Variants in PPARA observed in about 807,000 individuals in gnomAD.
PPARA encodes the protein peroxisome proliferator activated receptor alpha.
A neutral mutation model predicts 42.2 loss-of-function variants in PPARA; 22 were observed. The ratio of observed to expected loss-of-function variants is 0.52; its 90% CI spans 0.37 to 0.74. The LOEUF (loss-of-function observed/expected upper bound fraction) is 0.74. PPARA is among the 30% of genes least tolerant of loss of function. The pLI is 0.00. For synonymous variants in PPARA, 242 were observed against 239.3 expected (o/e 1.01, Z -0.10); for missense variants, 465 against 608.2 (o/e 0.76, Z 2.48).
intron 4 of PPARA, among the ~76,000 whole-genome samples, chr22:46,213,338 C>A (rs1934116122): frequency 1.3e-5 from 2 of 152,200 alleles, no homozygotes; most frequent in South Asian, 4.1e-4. Context: ...TGCTTACTTG[C>A]CATCTGTATA....
chr22:46,168,351 CAAAAAA>C (rs35345592), intron 2 of PPARA, among the ~76,000 whole-genome samples: 5 of 14,384 alleles, frequency 3.5e-4, no homozygotes, highest in South Asian at 2.7e-3. Flanking sequence ...GACTCCATCT[CAAAAAA>C]AAAAAAAAAA....
intron 2 of PPARA, among the ~76,000 whole-genome samples, chr22:46,168,367 A>G (rs1373824440): frequency 6.7e-6 from 1 of 148,544 alleles, no homozygotes; most frequent in Non-Finnish European, 1.5e-5. Flanking sequence ...AAAAAAAAAA[A>G]AAAAAAAAAA....
intron 3 of PPARA, among the ~76,000 whole-genome samples, chr22:46,177,786 G>C (rs17241878): frequency 0.11 from 15,814 of 142,796 alleles, 1,147 homozygotes; most frequent in African/African-American, 0.21. Flanking sequence ...AGAACCTCAG[G>C]CGTGTAGCCA....
At chr22:46,208,661 T>C (rs1933629819) in intron 4 of PPARA, among the ~76,000 whole-genome samples, 2 of 152,134 alleles carry the variant, frequency 1.3e-5, no homozygotes, top group Non-Finnish European at 2.9e-5. Flanking sequence ...TCTTCCTGTC[T>C]AACTAAAACT....
Position 46,162,941 on chromosome 22 carries a change from C to T in PPARA, c.-127+10971C>T, listed in dbSNP as rs1926429473. ...CATGTATTTATTCAGCAAATATTTA[C>T]TGAGCACGTACTGCGTGCCAGGCAC... is the stretch of plus-strand genomic sequence containing the variant. On this transcript the variant is annotated intron_variant, in intron 2 of 8. Coordinates refer to ENST00000407236, the MANE Select transcript of PPARA (RefSeq NM_005036.6). The surrounding 1 kb of genome is among the most constrained non-coding windows in gnomAD (Gnocchi z 6.0). Among the ~76,000 whole-genome samples, 1 of 152,244 alleles carries T rather than the reference C, an allele frequency of 6.6e-6. No homozygotes were observed. The highest frequency in any genetic ancestry group is 2.1e-4 in the South Asian group (1 of 4,832).
At chr22:46,175,746 A>G (rs1928950349) in intron 2 of PPARA, among the ~76,000 whole-genome samples, 2 of 152,108 alleles carry the variant, frequency 1.3e-5, no homozygotes, top group East Asian at 3.9e-4. Context: ...CACATAATGA[A>G]TCATATGGCA....
rs1555935204 is a variant in PPARA at position 46,174,266 on chromosome 22, G to GAAGGAAAGGAAGGAAGGAAGGAAGA, written c.-126-2481_-126-2480insAGGAAGGAAGGAAGGAAGAAAGGAA. Among the ~76,000 whole-genome samples the GAAGGAAAGGAAGGAAGGAAGGAAGA allele has an allele frequency of 1.2e-3, 79 of 64,756 alleles. 6 individuals are homozygous for GAAGGAAAGGAAGGAAGGAAGGAAGA. The highest frequency in any genetic ancestry group is 5.7e-3 in the East Asian group (8 of 1,392). The allele number at this position is 64,756 out of a possible 152,430, so 42.5% of individuals were successfully genotyped here. On this transcript the variant is annotated intron_variant, in intron 2 of 8. Coordinates refer to ENST00000407236, the MANE Select transcript of PPARA (RefSeq NM_005036.6). ...AGAAAGAAAGAAGGAAGGAAGGAAG[G>GAAGGAAAGGAAGGAAGGAAGGAAGA]AAGGAAGGAAATTATGATAAAGCAG...
intron 7 of PPARA, among the ~76,000 whole-genome samples, chr22:46,223,163 C>A (rs768500454): frequency 6.6e-6 from 1 of 151,854 alleles, no homozygotes; most frequent in Non-Finnish European, 1.5e-5. Flanking sequence ...AAAAAAAATT[C>A]GAAGCAGAGT....
rs963270101 is a variant in PPARA at position 46,193,314 on chromosome 22, G to T, written c.-42-5028G>T. ...ACTCCTGACCTCAAGTGATCCACTCGCCTTGGCCTCCCAAATGCTCAGATT... is the reference window on the plus strand; with the variant it reads ...ACTCCTGACCTCAAGTGATCCACTCTCCTTGGCCTCCCAAATGCTCAGATT... On this transcript the variant is annotated intron_variant, in intron 3 of 8. Coordinates refer to ENST00000407236, the MANE Select transcript of PPARA (RefSeq NM_005036.6). This position sits in a 1 kb window ranked among gnomAD's most constrained non-coding sequence, Gnocchi z 5.3. Among the ~76,000 whole-genome samples the T allele has an allele frequency of 6.6e-6, 1 of 152,162 alleles. No homozygotes were observed. The highest frequency in any genetic ancestry group is 1.5e-5 in the Non-Finnish European group (1 of 68,032).
At position 46,162,840 on chromosome 22, in the gene PPARA, G is replaced by C. The variant is rs1296270562; in HGVS notation, c.-127+10870G>C. Reference sequence around the variant, plus strand: ...CCTTCAGATAACCTATGGCATTTGAGTCACTCTGATTTGATGAATTCTGCC... The same window carrying C: ...CCTTCAGATAACCTATGGCATTTGACTCACTCTGATTTGATGAATTCTGCC... On this transcript the variant is annotated intron_variant, in intron 2 of 8. Coordinates refer to ENST00000407236, the MANE Select transcript of PPARA (RefSeq NM_005036.6). This position sits in a 1 kb window ranked among gnomAD's most constrained non-coding sequence, Gnocchi z 6.0. Among the ~76,000 whole-genome samples, 1 of 152,226 alleles carries C rather than the reference G, an allele frequency of 6.6e-6. No homozygotes were observed. The highest frequency in any genetic ancestry group is 1.5e-5 in the Non-Finnish European group (1 of 68,036).
At chr22:46,169,525 C>T (rs1335187583) in intron 2 of PPARA, among the ~76,000 whole-genome samples, 5 of 151,892 alleles carry the variant, frequency 3.3e-5, no homozygotes, top group East Asian at 1.9e-4. Flanking sequence ...TGAGCCATCA[C>T]GCCCGGCCAC....
Position 46,185,894 on chromosome 22 carries a change from CCAAAA to C in PPARA, c.-43+9059_-43+9063del, listed in dbSNP as rs1214105186. On this transcript the variant is annotated intron_variant, in intron 3 of 8. Transcript: ENST00000407236. ...TGGGTGACAAAGTGAGACTCCGTCT[CCAAAA>C]AAAAAAAAAAAAAAAAAATATATAT... 3.8e-4 allele frequency among the ~76,000 whole-genome samples: 8 copies of C among 20,864 alleles called. 2 individuals carry two copies. The highest frequency in any genetic ancestry group is 2.2e-3 in the African/African-American group (8 of 3,664). The allele number at this position is 20,864 out of a possible 152,430, so 13.7% of individuals were successfully genotyped here.
At chr22:46,223,319 C>T (rs28669215) in intron 7 of PPARA, among the ~76,000 whole-genome samples, 8,787 of 152,110 alleles carry the variant, frequency 0.058, 352 homozygotes, top group Non-Finnish European at 0.087. Flanking sequence ...AACTAGCAGG[C>T]GGGAATCTGT....
Position 46,167,544 on chromosome 22 carries a change from A to G in PPARA, c.-126-9209A>G, listed in dbSNP as rs1346902056. On this transcript the variant is annotated intron_variant, in intron 2 of 8. Coordinates refer to ENST00000407236, the MANE Select transcript of PPARA (RefSeq NM_005036.6). This position sits in a 1 kb window ranked among gnomAD's most constrained non-coding sequence, Gnocchi z 4.1. ...GACACTCACCTGTAGTCCCAGCTGCACAGTAGTCTGAGGTGGGAGGATCAC... is the reference window on the plus strand; with the variant it reads ...GACACTCACCTGTAGTCCCAGCTGCGCAGTAGTCTGAGGTGGGAGGATCAC... Among the ~76,000 whole-genome samples, 1 of 152,146 alleles carries G rather than the reference A, an allele frequency of 6.6e-6. No individual in the cohort carries two copies. Among genetic ancestry groups the G allele is most frequent in the East Asian group, 1.9e-4 (1 of 5,190 alleles).
chr22:46,178,533 G>C (rs73177034), intron 3 of PPARA, among the ~76,000 whole-genome samples: 525 of 152,264 alleles, frequency 3.4e-3, no homozygotes, highest in Middle Eastern at 0.01. Flanking sequence ...ACAAAATAGA[G>C]CTGAGAGTCC....
rs571435201 is a variant in PPARA, at chr22:46,219,228, T to A, written c.509-584T>A. ...ATTCAGTGGTGCATTGGACTCGCTG[T>A]TAGAAACTTCAGTGGTAAGACTTTG... On this transcript the variant is annotated intron_variant, in intron 6 of 8. Transcript: ENST00000407236. The surrounding 1 kb of genome is among the most constrained non-coding windows in gnomAD (Gnocchi z 4.8). Among the ~76,000 whole-genome samples the A allele has an allele frequency of 6.6e-6, 1 of 152,162 alleles. No individual in the cohort carries two copies. Among genetic ancestry groups the A allele is most frequent in the Non-Finnish European group, 1.5e-5 (1 of 67,986 alleles).
rs191351233 is a variant in PPARA at position 46,194,188 on chromosome 22, A to G, written c.-42-4154A>G. ...TCTTGTTGGGAGCAAGGAAGGGCCA[A>G]TTTGTTCAATGATCCGTATACAGCC... On this transcript the variant is annotated intron_variant, in intron 3 of 8. Coordinates refer to ENST00000407236, the MANE Select transcript of PPARA (RefSeq NM_005036.6). Among the ~76,000 whole-genome samples, 9 of 152,224 alleles carry G rather than the reference A, an allele frequency of 5.9e-5. No homozygotes were observed. The East Asian group carries it at 1.5e-3, about 26-fold the overall frequency.
chr22:46,241,332 CAT>C lies in PPARA; in HGVS notation c.*5957_*5958del, dbSNP rs938514427. The C allele has an allele frequency of 3.3e-5, 5 of 152,168 alleles. No individual in the cohort carries two copies. Among genetic ancestry groups the C allele is most frequent in the Non-Finnish European group, 7.4e-5 (5 of 68,026 alleles). The allele number at this position is 152,168 out of a possible 1,614,324, so 9.4% of individuals were successfully genotyped here. ...GGTCTGACTCAGAATATAGGAGATC[CAT>C]ATATTTCTCTGGAAACCACAGTGTA... On this transcript the variant is annotated 3_prime_UTR_variant, in exon 9 of 9. Coordinates refer to ENST00000407236, the MANE Select transcript of PPARA (RefSeq NM_005036.6). This position sits in a 1 kb window ranked among gnomAD's most constrained non-coding sequence, Gnocchi z 5.7.
rs4253799 is a variant in PPARA, at chr22:46,233,084, C to T, written c.1159+845C>T. Among the ~76,000 whole-genome samples, 1,232 of 150,094 alleles carry T rather than the reference C, an allele frequency of 8.2e-3. 8 individuals are homozygous for T. The highest frequency in any genetic ancestry group is 0.014 in the Non-Finnish European group (946 of 67,606). Reference sequence around the variant, plus strand: ...GATATAATTTATATATTATGATATTCCTGTATATATTATATAATGATGTTG... The same window carrying T: ...GATATAATTTATATATTATGATATTTCTGTATATATTATATAATGATGTTG... On this transcript the variant is annotated intron_variant, in intron 8 of 8. Coordinates refer to ENST00000407236, the MANE Select transcript of PPARA (RefSeq NM_005036.6). This position sits in a 1 kb window ranked among gnomAD's most constrained non-coding sequence, Gnocchi z 7.3.
Sources: allele counts gnomAD v4.1 joint callset (sites outside exome capture counted in the v4.1 genomes callset), GRCh38; gene constraint gnomAD v4.1.1; non-coding constraint Gnocchi (gnomAD v3.1); transcripts MANE v1.5; gene names NCBI Gene and HGNC (gene_info 2026-07-23, HGNC 2026-07-21).